The following PVT1 variants were observed in gnomAD, a reference collection of about 807,000 sequenced individuals.
PVT1 encodes Pvt1 oncogene, also known as CXCR4/PVT1 fusion.
intron 2 of PVT1, among the ~76,000 whole-genome samples, chr8:127,879,121 C>G (rs1815436946): frequency 6.6e-6 from 1 of 152,218 alleles, no homozygotes; most frequent in Admixed American, 6.5e-5. Flanking sequence ...CTTGCATTTC[C>G]CAGCAAAGTG....
chr8:127,894,416 G>C (rs1426209828), intron 3 of PVT1, among the ~76,000 whole-genome samples: 2 of 152,152 alleles, frequency 1.3e-5, no homozygotes, highest in Non-Finnish European at 2.9e-5. Context: ...TTATGCATAT[G>C]AACAAACTGA....
chr8:128,041,360 GTGT>G (rs930842731), intron 4 of PVT1, among the ~76,000 whole-genome samples: 32 of 150,670 alleles, frequency 2.1e-4, no homozygotes, highest in Middle Eastern at 3.5e-3. Flanking sequence ...TTGTGCTCAT[GTGT>G]TGTTTGTGTT....
At chr8:127,951,465 GA>G (rs1284936189) in intron 3 of PVT1, among the ~76,000 whole-genome samples, 3 of 152,196 alleles carry the variant, frequency 2.0e-5, no homozygotes, top group Admixed American at 2.0e-4. Flanking sequence ...TCAAAAGGAA[GA>G]CAGCGTCACA....
chr8:127,990,767 C>T (rs983723589), intron 4 of PVT1, among the ~76,000 whole-genome samples: 2 of 152,208 alleles, frequency 1.3e-5, no homozygotes, highest in African/African-American at 4.8e-5. Context: ...CTGTGGCATG[C>T]AGAGGTGAAG....
intron 2 of PVT1, among the ~76,000 whole-genome samples, chr8:127,807,736 GT>G (rs1465313903): frequency 1.3e-5 from 2 of 152,070 alleles, no homozygotes; most frequent in Non-Finnish European, 2.9e-5. Context: ...GATGTTCATG[GT>G]TGTCAATTCT....
chr8:127,862,622 T>C (rs1815240558), intron 2 of PVT1, among the ~76,000 whole-genome samples: 1 of 152,026 alleles, frequency 6.6e-6, no homozygotes, highest in Non-Finnish European at 1.5e-5. Context: ...GAGGTCTCAC[T>C]ATGTTACCAG....
chr8:127,852,693 A>G (rs866180721), intron 2 of PVT1, among the ~76,000 whole-genome samples: 5 of 152,314 alleles, frequency 3.3e-5, no homozygotes, highest in African/African-American at 4.8e-5. Flanking sequence ...TAAGAGCTCA[A>G]TAAATGTGAG....
At chr8:127,902,901 G>A (rs367940984) in intron 3 of PVT1, among the ~76,000 whole-genome samples, 1 of 152,170 alleles carries the variant, frequency 6.6e-6, no homozygotes, top group East Asian at 1.9e-4. Flanking sequence ...GAACACATGG[G>A]TGCGTGTGTA....
chr8:127,994,884 C>A (rs1817087822), intron 4 of PVT1, among the ~76,000 whole-genome samples: 2 of 152,210 alleles, frequency 1.3e-5, no homozygotes, highest in African/African-American at 4.8e-5. Flanking sequence ...TCTATTCAGG[C>A]CTTCAGTGGG....
chr8:127,858,143 C>A (rs1180666730), intron 2 of PVT1, among the ~76,000 whole-genome samples: 1 of 152,158 alleles, frequency 6.6e-6, no homozygotes, highest in Non-Finnish European at 1.5e-5. Flanking sequence ...ATAATCACGG[C>A]ACTTTGGGAG....
chr8:127,900,208 A>T, intron 3 of PVT1, among the ~76,000 whole-genome samples: 1 of 151,874 alleles, frequency 6.6e-6, no homozygotes, highest in Admixed American at 6.6e-5. Context: ...CACCTGGCTA[A>T]TTTTTTATAT....
At chr8:127,901,768 C>A (rs1249351514) in intron 3 of PVT1, among the ~76,000 whole-genome samples, 1 of 149,222 alleles carries the variant, frequency 6.7e-6, no homozygotes, top group African/African-American at 2.5e-5. Flanking sequence ...TTTTAAATTT[C>A]TAATTTTATA....
At chr8:127,884,187 C>A (rs914409778) in intron 2 of PVT1, among the ~76,000 whole-genome samples, 4 of 152,212 alleles carry the variant, frequency 2.6e-5, no homozygotes, top group African/African-American at 9.6e-5. Flanking sequence ...TGACTTCTAA[C>A]CACACAGATT....
At chr8:128,092,142 C>T (rs1814364416) in intron 5 of PVT1, among the ~76,000 whole-genome samples, 1 of 152,102 alleles carries the variant, frequency 6.6e-6, no homozygotes, top group African/African-American at 2.4e-5. Flanking sequence ...TGCAAAGAAC[C>T]CTTAGGCTCA....
At chr8:127,925,400 A>T (rs7812382) in intron 3 of PVT1, among the ~76,000 whole-genome samples, 6,033 of 152,260 alleles carry the variant, frequency 0.04, 407 homozygotes, top group African/African-American at 0.14. Context: ...TTAAGGCCAA[A>T]CTCAACTTCA....
chr8:128,011,310 A>G (rs1817312588), intron 4 of PVT1, among the ~76,000 whole-genome samples: 1 of 152,172 alleles, frequency 6.6e-6, no homozygotes, highest in Admixed American at 6.5e-5. Context: ...TTCCAAACGT[A>G]TATGATGAAA....
At chr8:127,900,030 G>A (rs1199842127) in intron 3 of PVT1, among the ~76,000 whole-genome samples, 1 of 151,930 alleles carries the variant, frequency 6.6e-6, no homozygotes, top group African/African-American at 2.4e-5. Flanking sequence ...ATTTTATTTT[G>A]TTTATTTATT....
At chr8:127,877,997 AC>A (rs138165162) in intron 2 of PVT1, among the ~76,000 whole-genome samples, 1,729 of 152,184 alleles carry the variant, frequency 0.011, 38 homozygotes, top group African/African-American at 0.039. Context: ...ACACTGTAGA[AC>A]CTTCTGTATT....
At chr8:127,876,161 T>C (rs1815402876) in intron 2 of PVT1, among the ~76,000 whole-genome samples, 1 of 152,166 alleles carries the variant, frequency 6.6e-6, no homozygotes. Flanking sequence ...AGGGGAAGAC[T>C]GGGAGAAGCC....
Sources: gnomAD v4.1 joint callset for allele counts (sites outside exome capture counted in the v4.1 genomes callset) on GRCh38, gnomAD v4.1.1 for gene constraint, MANE v1.5 for transcripts, NCBI Gene and HGNC (gene_info 2026-07-23, HGNC 2026-07-21) for gene names.